SAMD9: variants seen among roughly 807,000 people sequenced by gnomAD.
SAMD9 encodes sterile alpha motif domain-containing protein 9.
SAMD9 carries 3 observed loss-of-function variants against 1.5 expected under a neutral mutation model. The ratio of observed to expected loss-of-function variants is 2.05; its 90% CI spans 0.93 to 5.29. SAMD9 has a LOEUF of 5.29. Ranked by LOEUF, SAMD9 falls within the 30% of genes most tolerant of loss-of-function variation. The pLI is 0.02. For synonymous variants in SAMD9, 635 were observed against 631.9 expected (o/e 1.00, Z -0.07); for missense variants, 1,597 against 1,820.8 (o/e 0.88, Z 2.24).
chr7:93,102,358 T>G lies in SAMD9; in HGVS notation c.3740A>C (p.Lys1247Thr). The G allele has an allele frequency of 1.2e-6, 2 of 1,608,728 alleles. No individual in the cohort carries two copies. The highest frequency in any genetic ancestry group is 2.2e-5 in the South Asian group (2 of 90,788). Residue 1247 changes from lysine (K) to threonine (T), a missense_variant, in exon 3 of 3, where the codon AAA becomes ACA. Around this residue, in one of 6 missense-constraint regions of SAMD9, gnomAD observed 682 missense variants for 810.0 expected, o/e 0.84. Transcript: ENST00000379958. ...DIPGDPNNEYKLALKNYIPYL... is the reference protein window; with the variant it reads ...DIPGDPNNEYTLALKNYIPYL... ...AGGAATATAGTTTTTGAGGGCTAAT[T>G]TATATTCATTGTTTGGATCCCCTGG...
In SAMD9 at chr7:93,104,817, G is replaced by C; in HGVS notation, c.1281C>G (p.His427Gln). 1 of 1,613,570 alleles carries C rather than the reference G, an allele frequency of 6.2e-7. No individual in the cohort carries two copies. Among genetic ancestry groups the C allele is most frequent in the Non-Finnish European group, 8.5e-7 (1 of 1,179,762 alleles). Reference sequence around the variant, plus strand: ...ATTTAATTTCCTTCAGGAAATCTAAGTGTTTTGTTTGATCTGGGTGGCATT... The same window carrying C: ...ATTTAATTTCCTTCAGGAAATCTAACTGTTTTGTTTGATCTGGGTGGCATT... ...TNKCHPDQTK[H>Q]LDFLKEIKWF... Residue 427 changes from histidine (H) to glutamine (Q), a missense_variant, in exon 3 of 3, where the codon CAC becomes CAG. This residue lies in a region of SAMD9 where 358 missense variants were observed against 460.4 expected (regional missense o/e 0.78). Coordinates refer to ENST00000379958, the MANE Select transcript of SAMD9 (RefSeq NM_017654.4).
intron 2 of SAMD9, among the ~76,000 whole-genome samples, chr7:93,109,384 C>G (rs1791700683): frequency 6.6e-6 from 1 of 152,156 alleles, no homozygotes; most frequent in Non-Finnish European, 1.5e-5. Flanking sequence ...TTCTGAAAAT[C>G]AGAGCACCTC....
rs191969912 is a variant in SAMD9, at chr7:93,113,313, T to C, written c.-9+1482A>G. Among the ~76,000 whole-genome samples the C allele has an allele frequency of 2.1e-3, 318 of 152,286 alleles. 2 individuals carry two copies. Among genetic ancestry groups the C allele is most frequent in the African/African-American group, 7.1e-3 (294 of 41,554 alleles). ...CATACAAAAATTAATTCAAGATGGA[T>C]TAAAGACTTAAACGTTAGAGCTAAA... On this transcript the variant is annotated intron_variant, in intron 2 of 2. Coordinates refer to ENST00000379958, the MANE Select transcript of SAMD9 (RefSeq NM_017654.4).
chr7:93,111,621 G>A (rs536242372), intron 2 of SAMD9, among the ~76,000 whole-genome samples: 3 of 152,190 alleles, frequency 2.0e-5, no homozygotes, highest in Admixed American at 2.0e-4. Flanking sequence ...AATGATAAAG[G>A]GGATATTACC....
chr7:93,105,063 A>G lies in SAMD9; in HGVS notation c.1035T>C (p.Asp345=), dbSNP rs779684088. The change falls in exon 3 of 3, where the codon GAT becomes GAC. Residue 345 remains aspartate (D), a synonymous_variant. Transcript: ENST00000379958. The part of the protein sequence containing the change: ...QSKKFSLFVR[D]GTSSKDITKN... ...TCGTAATGTCCTTAGAGCTGGTCCCATCTCGCACAAATAGTGAGAATTTTT... is the reference window on the plus strand; with the variant it reads ...TCGTAATGTCCTTAGAGCTGGTCCCGTCTCGCACAAATAGTGAGAATTTTT... 3.7e-6 allele frequency: 6 copies of G among 1,613,866 alleles called. No homozygotes were observed. The highest frequency in any genetic ancestry group is 1.3e-5 in the African/African-American group (1 of 74,902).
chr7:93,104,153 T>C lies in SAMD9; in HGVS notation c.1945A>G (p.Met649Val), dbSNP rs1584253679. 6.2e-7 allele frequency: 1 copy of C among 1,613,984 alleles called. No homozygotes were observed. Among genetic ancestry groups the C allele is most frequent in the South Asian group, 1.1e-5 (1 of 91,088 alleles). The change falls in exon 3 of 3, where the codon ATG becomes GTG. Residue 649 changes from methionine (M) to valine (V), a missense_variant. Coordinates refer to ENST00000379958, the MANE Select transcript of SAMD9 (RefSeq NM_017654.4). ...TCACAGATAATTTCCAGAGCAGTCATGATATCTTCTTCCTTTTTCAGAAGG... is the reference window on the plus strand; with the variant it reads ...TCACAGATAATTTCCAGAGCAGTCACGATATCTTCTTCCTTTTTCAGAAGG... ...TVLLKKEEDIMTALEIICENE... is the reference protein window; with the variant it reads ...TVLLKKEEDIVTALEIICENE...
At chr7:93,117,315 G>C (rs1212425393) in intron 1 of SAMD9, among the ~76,000 whole-genome samples, 1 of 152,010 alleles carries the variant, frequency 6.6e-6, no homozygotes, top group Non-Finnish European at 1.5e-5. Context: ...GTCTCACTCT[G>C]TTGCCTATGC....
chr7:93,111,528 T>A lies in SAMD9; in HGVS notation c.-9+3267A>T, dbSNP rs188559328. On this transcript the variant is annotated intron_variant, in intron 2 of 2. Coordinates refer to ENST00000379958, the MANE Select transcript of SAMD9 (RefSeq NM_017654.4). The stretch of plus-strand genomic sequence containing the variant: ...ATCAATGAATCCAGGAGCTGGTTTT[T>A]TGAAAAGATCAACAAAATGGATAGA... Among the ~76,000 whole-genome samples the A allele has an allele frequency of 7.3e-3, 1,113 of 152,274 alleles. 10 individuals carry two copies. The highest frequency in any genetic ancestry group is 0.023 in the African/African-American group (970 of 41,546).
In SAMD9 at chr7:93,099,603, A is replaced by G. The variant is rs1791494003; in HGVS notation, c.*1725T>C. ...TGGAGTTAAAATTTTATGCAGAAGC[A>G]AGGGAAAATCTTCCTCCAGTGAAAA... On this transcript the variant is annotated 3_prime_UTR_variant, in exon 3 of 3. Coordinates refer to ENST00000379958, the MANE Select transcript of SAMD9 (RefSeq NM_017654.4). 6.6e-6 allele frequency: 1 copy of G among 152,246 alleles called. No homozygotes were observed. The highest frequency in any genetic ancestry group is 1.5e-5 in the Non-Finnish European group (1 of 68,032). The allele number at this position is 152,246 out of a possible 1,614,324, so 9.4% of individuals were successfully genotyped here. A position where few individuals can be genotyped will look rare whatever the true frequency, so the allele number is the denominator to read the frequency against.
chr7:93,110,278 G>A (rs1362979392), intron 2 of SAMD9, among the ~76,000 whole-genome samples: 1 of 152,130 alleles, frequency 6.6e-6, no homozygotes, highest in Non-Finnish European at 1.5e-5. Flanking sequence ...GTTACCACCA[G>A]GCCTGCCTTA....
rs760872638 is a variant in SAMD9, at chr7:93,105,044, T to C, written c.1054A>G (p.Ile352Val). ...CTGAAATCAACTTTATTTTTCGTAA[T>C]GTCCTTAGAGCTGGTCCCATCTCGC... is the stretch of plus-strand genomic sequence containing the variant. ...FVRDGTSSKD[I>V]TKNKVDFRAF... Residue 352 changes from isoleucine to valine, a missense_variant, in exon 3 of 3, where the codon ATT (isoleucine) becomes GTT (valine). This residue lies in a region of SAMD9 where 498 missense variants were observed against 457.4 expected (regional missense o/e 1.09). Transcript: ENST00000379958. 4 of 1,613,896 alleles carry C rather than the reference T, an allele frequency of 2.5e-6. No homozygotes were observed. Among genetic ancestry groups the C allele is most frequent in the Non-Finnish European group, 3.4e-6 (4 of 1,179,968 alleles).
Position 93,103,133 on chromosome 7 carries a change from C to T in SAMD9, c.2965G>A (p.Ala989Thr), listed in dbSNP as rs1358384466. 2 of 1,613,742 alleles carry T rather than the reference C, an allele frequency of 1.2e-6. No homozygotes were observed. The highest frequency in any genetic ancestry group is 1.7e-6 in the Non-Finnish European group (2 of 1,179,700). The change falls in exon 3 of 3, where the codon GCA becomes ACA. Residue 989 changes from alanine to threonine, a missense_variant. Transcript: ENST00000379958. ...CGVRIIHSLI[A>T]EFSLEELKKS... is the part of the protein sequence containing the mutation. ...TTCAATTCTTCCAGTGAGAACTCTGCAATCAAAGAGTGAATGATGCGTACT... is the reference window on the plus strand; with the variant it reads ...TTCAATTCTTCCAGTGAGAACTCTGTAATCAAAGAGTGAATGATGCGTACT...
chr7:93,104,445 G>A lies in SAMD9; in HGVS notation c.1653C>T (p.Asp551=), dbSNP rs149364387. The change falls in exon 3 of 3, where the codon GAC becomes GAT. Residue 551 remains aspartate, a synonymous_variant. Transcript: ENST00000379958. ...AAGTCTCAATGAGGGGATCTCTTGG[G>A]TCATCCACAGAGGACAGTAATAGAA... ...VVFLLLSSVD[D]PRDPLIETFC... The A allele has an allele frequency of 2.2e-4, 350 of 1,613,812 alleles. No homozygotes were observed. The highest frequency in any genetic ancestry group is 2.7e-4 in the Non-Finnish European group (313 of 1,179,856).
rs766831754 is a variant in SAMD9 at position 93,101,680 on chromosome 7, C to T, written c.4418G>A (p.Arg1473His). 88 of 1,613,308 alleles carry T rather than the reference C, an allele frequency of 5.5e-5. 1 individual carries two copies. In the South Asian group the frequency reaches 6.1e-4, roughly 11 times the overall value. ...SFKGQYKHMH[R>H]TKQPIAYFFL... ...GAAATATGCAATTGGTTGCTTTGTA[C>T]GATGCATATGTTTATATTGCCCCTT... is the stretch of plus-strand genomic sequence containing the variant. The change falls in exon 3 of 3, where the codon CGT becomes CAT. Residue 1473 changes from arginine (R) to histidine (H), a missense_variant. This residue lies in a region of SAMD9 where 682 missense variants were observed against 810.0 expected (regional missense o/e 0.84). Transcript: ENST00000379958.
At chr7:93,113,848 G>T (rs993856472) in intron 2 of SAMD9, among the ~76,000 whole-genome samples, 3 of 152,188 alleles carry the variant, frequency 2.0e-5, no homozygotes, top group African/African-American at 4.8e-5. Context: ...TACACTGTTG[G>T]TGGGACTGTA....
At chr7:93,107,701 C>A (rs1233250012) in intron 2 of SAMD9, among the ~76,000 whole-genome samples, 1 of 152,140 alleles carries the variant, frequency 6.6e-6, no homozygotes, top group African/African-American at 2.4e-5. Flanking sequence ...TTAGAATTTA[C>A]CTTTCTTTCA....
chr7:93,113,957 C>T (rs1434237103), intron 2 of SAMD9, among the ~76,000 whole-genome samples: 2 of 151,938 alleles, frequency 1.3e-5, no homozygotes, highest in Non-Finnish European at 2.9e-5. Context: ...GGGTATATAC[C>T]CAAAGGATTA....
At chr7:93,111,600 A>G (rs957201713) in intron 2 of SAMD9, among the ~76,000 whole-genome samples, 1 of 152,220 alleles carries the variant, frequency 6.6e-6, no homozygotes, top group Non-Finnish European at 1.5e-5. Context: ...AATCAAATAG[A>G]TGCAATAAAA....
Position 93,105,245 on chromosome 7 carries a change from G to A in SAMD9, c.853C>T (p.Arg285Ter), listed in dbSNP as rs553862328. ...HQVQQAKKCI[R>*]EPRFVEVLLP... is the part of the protein sequence containing the mutation. Reference sequence around the variant, plus strand: ...AAAACTTCCACAAATCTTGGCTCTCGAATGCACTTCTTTGCTTGTTGGACT... The same window carrying A: ...AAAACTTCCACAAATCTTGGCTCTCAAATGCACTTCTTTGCTTGTTGGACT... Residue 285 changes from arginine to a stop codon, truncating the protein, a stop_gained, in exon 3 of 3, where the codon CGA becomes TGA. Transcript: ENST00000379958. LOFTEE classifies it low-confidence loss of function (END_TRUNC). The A allele has an allele frequency of 1.2e-5, 19 of 1,613,626 alleles. No homozygotes were observed. The highest frequency in any genetic ancestry group is 2.7e-5 in the African/African-American group (2 of 74,828).
Sources: gnomAD v4.1 joint callset for allele counts (sites outside exome capture counted in the v4.1 genomes callset) on GRCh38, gnomAD v4.1.1 for gene constraint, gnomAD v4.1.1 regional missense constraint, MANE v1.5 for transcripts, NCBI Gene and HGNC (gene_info 2026-07-23, HGNC 2026-07-21) for gene names.